Variants in ATF7 observed in about 807,000 individuals in gnomAD.
ATF7 encodes activating transcription factor 7, also known as cyclic AMP-dependent transcription factor ATF-7.
ATF7 carries 10 observed loss-of-function variants against 50.4 expected under a neutral mutation model. The observed-to-expected ratio is 0.20, with a 90% CI of 0.12 to 0.34. The LOEUF (loss-of-function observed/expected upper bound fraction) is 0.34. ATF7 is among the 10% of genes least tolerant of loss of function. The pLI is 1.00. For synonymous variants in ATF7, 201 were observed against 226.4 expected, an observed-to-expected ratio of 0.89 and a Z score of 1.01; for missense variants, 465 against 613.9, an observed-to-expected ratio of 0.76 and a Z score of 2.56.
chr12:53,541,599 A>G (rs1939555887), intron 4 of ATF7, among the ~76,000 whole-genome samples: 1 of 152,198 alleles, frequency 6.6e-6, no homozygotes, highest in Non-Finnish European at 1.5e-5. Context: ...TCAGAGAATC[A>G]TAGCGCCTCA....
At chr12:53,549,730 C>T (rs562341393) in intron 3 of ATF7, among the ~76,000 whole-genome samples, 1 of 152,228 alleles carries the variant, frequency 6.6e-6, no homozygotes, top group Admixed American at 6.5e-5. Context: ...GGACTACAGG[C>T]GCTCGCCACC....
intron 2 of ATF7, among the ~76,000 whole-genome samples, chr12:53,596,392 T>A (rs945335067): frequency 1.3e-5 from 2 of 149,650 alleles, no homozygotes; most frequent in Non-Finnish European, 3.0e-5. Flanking sequence ...ATACTAACTC[T>A]CCATGAGTAG....
At chr12:53,590,073 A>G (rs1942877862) in intron 2 of ATF7, among the ~76,000 whole-genome samples, 1 of 152,204 alleles carries the variant, frequency 6.6e-6, no homozygotes, top group African/African-American at 2.4e-5. Flanking sequence ...AAAGAAGCTG[A>G]GATAGCCCAA....
chr12:53,579,830 T>C (rs1592920123), intron 2 of ATF7, among the ~76,000 whole-genome samples: 1 of 151,666 alleles, frequency 6.6e-6, no homozygotes, highest in Non-Finnish European at 1.5e-5. Flanking sequence ...ACATGACAAA[T>C]TGTGCGCAAT....
intron 9 of ATF7, among the ~76,000 whole-genome samples, chr12:53,529,710 T>TATACACACACACACACACACAC (rs1555216854): frequency 1.3e-4 from 17 of 132,236 alleles, no homozygotes; most frequent in East Asian, 9.7e-4. Context: ...TATATACACA[T>TATACACACACACACACACACAC]ACACACACAC....
chr12:53,531,874 T>C lies in ATF7; in HGVS notation c.797A>G (p.His266Arg), dbSNP rs1464454373. Residue 266 changes from histidine (H) to arginine (R), a missense_variant, in exon 9 of 12, where the codon CAC becomes CGC. By Grantham distance (29) the His-to-Arg change is conservative (BLOSUM62 0). Coordinates refer to ENST00000420353, the MANE Select transcript of ATF7 (RefSeq NM_006856.3). ...ACCACCATTGATTGAGGAGACTTGG[T>C]GAGTTAGGGTGGCTTTCAGTCTCTG... is the stretch of plus-strand genomic sequence containing the variant. Reference protein sequence around the residue: ...AKMRLKATLTHQVSSINGGCG... With the variant: ...AKMRLKATLTRQVSSINGGCG... 1.2e-6 allele frequency: 2 copies of C among 1,613,436 alleles called. No homozygotes were observed. Among genetic ancestry groups the C allele is most frequent in the African/African-American group, 2.7e-5 (2 of 74,820 alleles).
At chr12:53,579,165 A>T (rs147713951) in intron 2 of ATF7, among the ~76,000 whole-genome samples, 1,610 of 152,192 alleles carry the variant, frequency 0.011, 12 homozygotes, top group Non-Finnish European at 0.017. Flanking sequence ...AATCACTTGA[A>T]CCTGGGAGGC....
In ATF7 at chr12:53,594,902, A is replaced by G. The variant is rs200314316; in HGVS notation, c.48+6051T>C. On this transcript the variant is annotated intron_variant, in intron 2 of 11. Transcript: ENST00000420353. ...GACCCCATCTCAAAAAAAAAAAAAG[A>G]AAAAAAAAAATCCCAGTCCCAGTTT... 1.4e-3 allele frequency among the ~76,000 whole-genome samples: 197 copies of G among 145,070 alleles called. 1 individual carries two copies. The East Asian group carries it at 0.036, about 27-fold the overall frequency.
intron 2 of ATF7, among the ~76,000 whole-genome samples, chr12:53,575,115 T>C (rs554057615): frequency 1.9e-4 from 26 of 136,240 alleles, no homozygotes; most frequent in South Asian, 1.9e-3. Context: ...CTACTAAAAA[T>C]ACAAAAACTA....
Position 53,517,269 on chromosome 12 carries a change from G to A in ATF7, c.1320C>T (p.Leu440=). The change falls in exon 12 of 12, where the codon CTC becomes CTT. Residue 440 remains leucine, a synonymous_variant. Transcript: ENST00000420353. ...HSSATAPSNG[L]SVRSAAEAVA... is the part of the protein sequence containing the mutation. Reference sequence around the variant, plus strand: ...CAGCTTCAGCTGCAGAGCGAACACTGAGGCCATTGCTAGGGGCTGTTGCTG... The same window carrying A: ...CAGCTTCAGCTGCAGAGCGAACACTAAGGCCATTGCTAGGGGCTGTTGCTG... The A allele has an allele frequency of 6.2e-7, 1 of 1,614,052 alleles. No homozygotes were observed. The highest frequency in any genetic ancestry group is 8.5e-7 in the Non-Finnish European group (1 of 1,179,906).
chr12:53,593,502 C>G (rs1319494370), intron 2 of ATF7, among the ~76,000 whole-genome samples: 2 of 152,198 alleles, frequency 1.3e-5, no homozygotes, highest in Non-Finnish European at 2.9e-5. Flanking sequence ...TTATTTTTCT[C>G]TTCAGAAAAA....
At chr12:53,606,741 G>A (rs1297816089) in intron 1 of ATF7, among the ~76,000 whole-genome samples, 4 of 121,830 alleles carry the variant, frequency 3.3e-5, no homozygotes, top group Non-Finnish European at 6.3e-5. Flanking sequence ...AGTCCCCAGT[G>A]TGTGATGTTC....
intron 4 of ATF7, among the ~76,000 whole-genome samples, chr12:53,542,645 T>C (rs1183375493): frequency 6.6e-6 from 1 of 152,096 alleles, no homozygotes; most frequent in Non-Finnish European, 1.5e-5. Context: ...CCAAGGCTGG[T>C]CTTGAACTCC....
intron 3 of ATF7, among the ~76,000 whole-genome samples, chr12:53,544,284 C>T (rs1411140672): frequency 2.0e-5 from 3 of 152,204 alleles, no homozygotes; most frequent in African/African-American, 7.2e-5. Context: ...CCTCCCAATC[C>T]TGCTTTTTTA....
At chr12:53,612,675 G>A (rs1211163233) in intron 1 of ATF7, among the ~76,000 whole-genome samples, 1 of 152,028 alleles carries the variant, frequency 6.6e-6, no homozygotes, top group Admixed American at 6.6e-5. Flanking sequence ...AATCATTCAT[G>A]AGTAAAAGAT....
chr12:53,537,939 C>T (rs1241162899), intron 4 of ATF7, among the ~76,000 whole-genome samples: 3 of 151,950 alleles, frequency 2.0e-5, no homozygotes, highest in East Asian at 1.9e-4. Flanking sequence ...CTCGAACTCC[C>T]GACCTCAGGT....
At chr12:53,615,052 C>T (rs1944059108) in intron 1 of ATF7, among the ~76,000 whole-genome samples, 1 of 151,768 alleles carries the variant, frequency 6.6e-6, no homozygotes, top group African/African-American at 2.4e-5. Context: ...TGCACTCTAG[C>T]CTGGGCAACA....
At chr12:53,604,532 C>A (rs1943527457) in intron 1 of ATF7, among the ~76,000 whole-genome samples, 1 of 152,088 alleles carries the variant, frequency 6.6e-6, no homozygotes, top group African/African-American at 2.4e-5. Flanking sequence ...CTCTAAACCT[C>A]GTGTGATATT....
intron 2 of ATF7, among the ~76,000 whole-genome samples, chr12:53,594,989 T>G (rs1466632187): frequency 6.6e-6 from 1 of 151,260 alleles, no homozygotes; most frequent in Admixed American, 6.6e-5. Context: ...ATCCAGAGAG[T>G]GAACTGAAAG....
Sources: allele counts gnomAD v4.1 joint callset (sites outside exome capture counted in the v4.1 genomes callset), GRCh38; gene constraint gnomAD v4.1.1; transcripts MANE v1.5; gene names NCBI Gene and HGNC (gene_info 2026-07-23, HGNC 2026-07-21).